The following CNTNAP2 variants were observed in gnomAD, a reference collection of about 807,000 sequenced individuals.
CNTNAP2 encodes the protein contactin-associated protein-like 2.
Under a neutral mutation model 155.2 loss-of-function variants are expected in CNTNAP2, and 98 were observed. The ratio of observed to expected loss-of-function variants is 0.63; its 90% CI spans 0.54 to 0.75. The LOEUF is 0.75. CNTNAP2 is among the 30% of genes least tolerant of loss of function. The pLI is 0.00. For missense variants in CNTNAP2, 1,727 were observed against 1,688.1 expected (o/e 1.02, Z -0.40); for synonymous variants, 651 against 631.2 (o/e 1.03, Z -0.47).
intron 13 of CNTNAP2, among the ~76,000 whole-genome samples, chr7:147,876,749 C>T (rs1262346664): frequency 2.0e-5 from 3 of 151,954 alleles, no homozygotes; most frequent in Non-Finnish European, 4.4e-5. Flanking sequence ...ACGTAGGGTG[C>T]TTATTATTGG....
At chr7:146,334,400 C>G (rs1037927329) in intron 1 of CNTNAP2, among the ~76,000 whole-genome samples, 1 of 145,546 alleles carries the variant, frequency 6.9e-6, no homozygotes, top group Admixed American at 7.2e-5. Context: ...CACTGCACTC[C>G]AGCCTGGGCG....
intron 1 of CNTNAP2, among the ~76,000 whole-genome samples, chr7:146,306,822 T>C (rs1406063823): frequency 1.3e-5 from 2 of 152,086 alleles, no homozygotes; most frequent in Non-Finnish European, 2.9e-5. Flanking sequence ...GGTCTTGATG[T>C]ACATATCTCA....
At chr7:147,593,189 G>A (rs1489101369) in intron 12 of CNTNAP2, among the ~76,000 whole-genome samples, 1 of 148,932 alleles carries the variant, frequency 6.7e-6, no homozygotes, top group Admixed American at 6.7e-5. Context: ...CAATAATGGT[G>A]CACTTTCTTA....
At chr7:147,732,185 C>CG (rs1029910682) in intron 13 of CNTNAP2, among the ~76,000 whole-genome samples, 27 of 98,952 alleles carry the variant, frequency 2.7e-4, no homozygotes, top group South Asian at 2.1e-3. Context: ...TATCCCTCCC[C>CG]CCCCCACCAC....
chr7:148,022,846 A>AACAG (rs1320802151), intron 15 of CNTNAP2, among the ~76,000 whole-genome samples: 11 of 152,138 alleles, frequency 7.2e-5, no homozygotes, highest in African/African-American at 2.4e-4. Flanking sequence ...TAACGATGAG[A>AACAG]ACAGACCTTT....
intron 16 of CNTNAP2, among the ~76,000 whole-genome samples, chr7:148,137,432 G>T (rs1804978053): frequency 6.6e-6 from 1 of 152,194 alleles, no homozygotes; most frequent in South Asian, 2.1e-4. Flanking sequence ...GGCTGAGGCG[G>T]GTGGATCACC....
rs145865159 is a variant in CNTNAP2, at chr7:146,639,379, C to G, written c.98-134892C>G. 1.2e-3 allele frequency among the ~76,000 whole-genome samples: 188 copies of G among 152,286 alleles called. 2 individuals are homozygous for G. The East Asian group carries it at 0.028, about 22-fold the overall frequency. Reference sequence around the variant, plus strand: ...CTTTCAAGGAACACACACCCCATGCCACATCCTATGCATTCTAACCATTTT... The same window carrying G: ...CTTTCAAGGAACACACACCCCATGCGACATCCTATGCATTCTAACCATTTT... On this transcript the variant is annotated intron_variant, in intron 1 of 23. Coordinates refer to ENST00000361727, the MANE Select transcript of CNTNAP2 (RefSeq NM_014141.6).
At chr7:146,928,547 C>A (rs1205742302) in intron 3 of CNTNAP2, among the ~76,000 whole-genome samples, 3 of 152,164 alleles carry the variant, frequency 2.0e-5, no homozygotes, top group Non-Finnish European at 2.9e-5. Context: ...ATCTGAGGTA[C>A]CAGGTTCATC....
chr7:146,585,334 A>G (rs1342270484), intron 1 of CNTNAP2, among the ~76,000 whole-genome samples: 2 of 151,768 alleles, frequency 1.3e-5, no homozygotes, highest in African/African-American at 4.8e-5. Flanking sequence ...GTTGTCCAGG[A>G]GGGTTTCGAT....
chr7:146,907,581 T>C, intron 3 of CNTNAP2, among the ~76,000 whole-genome samples: 1 of 145,142 alleles, frequency 6.9e-6, no homozygotes, highest in Non-Finnish European at 1.5e-5. Context: ...AATAAAATAC[T>C]TTACAGACAA....
chr7:147,210,736 G>C (rs1250361029), intron 8 of CNTNAP2, among the ~76,000 whole-genome samples: 1 of 151,812 alleles, frequency 6.6e-6, no homozygotes, highest in Non-Finnish European at 1.5e-5. Context: ...GCACTATAAA[G>C]TTTCCTCTTC....
At chr7:147,626,612 A>G (rs1262913048) in intron 12 of CNTNAP2, among the ~76,000 whole-genome samples, 1 of 152,112 alleles carries the variant, frequency 6.6e-6, no homozygotes. Flanking sequence ...GAGAAACTGA[A>G]ATACTTACCC....
chr7:146,776,723 T>C lies in CNTNAP2; in HGVS notation c.208+2342T>C, dbSNP rs142548039. On this transcript the variant is annotated intron_variant, in intron 2 of 23. Coordinates refer to ENST00000361727, the MANE Select transcript of CNTNAP2 (RefSeq NM_014141.6). ...AACATCTTTTACAAGAAAAAATATA[T>C]AGGTTTTTTGCTCTCATTTAATTCT... Among the ~76,000 whole-genome samples, 329 of 152,282 alleles carry C rather than the reference T, an allele frequency of 2.2e-3. 2 individuals are homozygous for C. Among genetic ancestry groups the C allele is most frequent in the African/African-American group, 7.5e-3 (312 of 41,566 alleles).
intron 13 of CNTNAP2, among the ~76,000 whole-genome samples, chr7:147,768,066 C>T (rs548930804): frequency 6.6e-6 from 1 of 152,168 alleles, no homozygotes; most frequent in Admixed American, 6.5e-5. Context: ...TGACAGTCTT[C>T]CCTAAACAGT....
Position 146,824,970 on chromosome 7 carries a change from A to C in CNTNAP2, c.209-14741A>C, listed in dbSNP as rs142168382. Among the ~76,000 whole-genome samples, 1,434 of 151,832 alleles carry C rather than the reference A, an allele frequency of 9.4e-3. 11 individuals are homozygous for C. Among genetic ancestry groups the C allele is most frequent in the East Asian group, 0.024 (126 of 5,154 alleles). The stretch of plus-strand genomic sequence containing the variant: ...GCCCTATGGGGGAAAAAAGCCTATT[A>C]AAGAAATTCTTTACATGAAGAATTG... On this transcript the variant is annotated intron_variant, in intron 2 of 23. Transcript: ENST00000361727.
At chr7:146,720,978 C>CTATATATATACTGTATATATATAGTCTA (rs71165032) in intron 1 of CNTNAP2, among the ~76,000 whole-genome samples, 2 of 121,926 alleles carry the variant, frequency 1.6e-5, no homozygotes, top group South Asian at 4.8e-4. Context: ...TATATATAGA[C>CTATATATATACTGTATATATATAGTCTA]TATATATACT....
At chr7:147,697,080 G>A (rs1796171657) in intron 13 of CNTNAP2, among the ~76,000 whole-genome samples, 1 of 152,134 alleles carries the variant, frequency 6.6e-6, no homozygotes, top group South Asian at 2.1e-4. Flanking sequence ...CCAAATTAAT[G>A]TGTGGTTTGG....
chr7:146,540,551 T>C (rs1411017524), intron 1 of CNTNAP2, among the ~76,000 whole-genome samples: 1 of 152,090 alleles, frequency 6.6e-6, no homozygotes, highest in Non-Finnish European at 1.5e-5. Context: ...TACCTCTAAT[T>C]TCTTGGCTTC....
rs374404027 is a variant in CNTNAP2 at position 147,700,659 on chromosome 7, T to C, written c.2098+61353T>C. On this transcript the variant is annotated intron_variant, in intron 13 of 23. Coordinates refer to ENST00000361727, the MANE Select transcript of CNTNAP2 (RefSeq NM_014141.6). ...AAAGTGATTGAAACTTGGAAACTTA[T>C]TGGTGTTTTATGAGGAGACACAATT... is the stretch of plus-strand genomic sequence containing the variant. 3.8e-4 allele frequency among the ~76,000 whole-genome samples: 58 copies of C among 152,230 alleles called. No homozygotes were observed. In the East Asian group the frequency reaches 0.01, roughly 26 times the overall value.
Sources: allele counts gnomAD v4.1 joint callset (sites outside exome capture counted in the v4.1 genomes callset), GRCh38; gene constraint gnomAD v4.1.1; transcripts MANE v1.5; gene names NCBI Gene and HGNC (gene_info 2026-07-23, HGNC 2026-07-21).